Variants in INTS1 observed in about 807,000 individuals in gnomAD.
INTS1 encodes the protein integrator complex subunit 1.
A neutral mutation model predicts 241.6 loss-of-function variants in INTS1; 137 were observed. The observed-to-expected ratio is 0.57, with a 90% CI of 0.49 to 0.65. The LOEUF is 0.65. Among genes scored for constraint, INTS1 ranks in the 30% least tolerant of loss-of-function variants. The probability of loss-of-function intolerance (pLI) is 0.00; values close to 1 mark genes in which losing one functional copy is unlikely to be tolerated. For missense variants in INTS1, 3,073 were observed against 3,032.2 expected, an observed-to-expected ratio of 1.01 and a Z score of -0.32; for synonymous variants, 1,692 against 1,337.8, an observed-to-expected ratio of 1.26 and a Z score of -5.78.
intron 3 of INTS1, among the ~76,000 whole-genome samples, chr7:1,502,648 A>C (rs1173950289): frequency 6.6e-6 from 1 of 152,214 alleles, no homozygotes; most frequent in African/African-American, 2.4e-5. Context: ...CAACAGACAC[A>C]TGAGACAAAC....
intron 13 of INTS1, 79 bp downstream of exon 13, chr7:1,495,354 G>T: frequency 6.6e-7 from 1 of 1,516,900 alleles, no homozygotes; most frequent in Non-Finnish European, 8.9e-7. Context: ...TGGGGTTTGG[G>T]GCAGGGGTTG....
At position 1,476,402 on chromosome 7, in the gene INTS1, CAGGCTG is replaced by C. The variant is rs1375753255; in HGVS notation, c.5199_5204del (p.Ile1733_Leu1735delinsMet). The C allele has an allele frequency of 6.3e-7, 1 of 1,576,482 alleles. No individual in the cohort carries two copies. Among genetic ancestry groups the C allele is most frequent in the African/African-American group, 1.3e-5 (1 of 74,200 alleles). Reference sequence around the variant, plus strand: ...CCGCCTCGGCCAGGATCAGCTCCACCAGGCTGATGAGCTCCGGGCCCTGGACCCGCA... The same window carrying C: ...CCGCCTCGGCCAGGATCAGCTCCACCATGAGCTCCGGGCCCTGGACCCGCA... On this transcript the variant is annotated inframe_deletion, in exon 38 of 48. Coordinates refer to ENST00000404767, the MANE Select transcript of INTS1 (RefSeq NM_001080453.3).
At position 1,484,072 on chromosome 7, in the gene INTS1, C is replaced by T. The variant is rs759582486; in HGVS notation, c.3360G>A (p.Leu1120=). Residue 1120 remains leucine (L), a synonymous_variant, in exon 25 of 48, where the codon CTG becomes CTA. Transcript: ENST00000404767. ...SAASDAVLSA[L]LSIFSRYVRR... ...TCACGTAGCGTGAGAAGATGGACAA[C>T]AGAGCGCTCAGCACGGCGTCCGACG... 4.3e-6 allele frequency: 7 copies of T among 1,612,470 alleles called. No individual in the cohort carries two copies. Among genetic ancestry groups the T allele is most frequent in the African/African-American group, 1.3e-5 (1 of 74,930 alleles).
Position 1,503,043 on chromosome 7 carries a change from C to T in INTS1, c.207G>A (p.Ser69=), listed in dbSNP as rs375081056. 8.7e-6 allele frequency: 14 copies of T among 1,613,470 alleles called. No individual in the cohort carries two copies. Among genetic ancestry groups the T allele is most frequent in the Middle Eastern group, 1.6e-4 (1 of 6,084 alleles). The change falls in exon 3 of 48, where the codon TCG becomes TCA. Residue 69 remains serine (S), a synonymous_variant. Coordinates refer to ENST00000404767, the MANE Select transcript of INTS1 (RefSeq NM_001080453.3). ...GGCGTTTGGTGAGACCGGTGAGGGC[C>T]GAGGCACTGGACAACGCGGCCGCCG... ...RDAAAALSSA[S]ALTGLTKRPK...
chr7:1,486,042 C>CGGA (rs1782249243), intron 22 of INTS1, among the ~76,000 whole-genome samples: 1 of 151,188 alleles, frequency 6.6e-6, no homozygotes, highest in Non-Finnish European at 1.5e-5. Flanking sequence ...CTCAAGTGAT[C>CGGA]CTCCTGCCTC....
chr7:1,487,333 A>C lies in INTS1; in HGVS notation c.2633T>G (p.Ile878Ser). 1 of 1,601,482 alleles carries C rather than the reference A, an allele frequency of 6.2e-7. No homozygotes were observed. Among genetic ancestry groups the C allele is most frequent in the Non-Finnish European group, 8.5e-7 (1 of 1,174,466 alleles). The change falls in exon 20 of 48, where the codon ATC becomes AGC. Residue 878 changes from isoleucine (I) to serine (S), a missense_variant. Transcript: ENST00000404767. ...CTCGGCACTCACCTGCCGCTGGATG[A>C]TGTGGAGGAGAAAGTCAGGGTTTCG... ...RSRNPDFLLH[I>S]IQRQASSQSM... is the part of the protein sequence containing the mutation.
intron 8 of INTS1, 32 bp downstream of exon 8, chr7:1,498,943 G>GCCCCCCCCC: frequency 9.3e-7 from 1 of 1,070,746 alleles, no homozygotes; most frequent in East Asian, 3.6e-5. Context: ...CCCACCCCCT[G>GCCCCCCCCC]CCCCGCCCAC....
At chr7:1,490,880 G>C (rs1297368039) in intron 16 of INTS1, among the ~76,000 whole-genome samples, 1 of 152,232 alleles carries the variant, frequency 6.6e-6, no homozygotes, top group Non-Finnish European at 1.5e-5. Context: ...GGACAGAATG[G>C]AGCTGAGTCG....
At chr7:1,478,056 C>G in intron 33 of INTS1, 120 bp from the exon 34 acceptor site, 1 of 859,900 alleles carries the variant, frequency 1.2e-6, no homozygotes, top group South Asian at 1.6e-5. Flanking sequence ...AGAGCAGAGT[C>G]CAGCCGGAGC....
rs1167099481 is a variant in INTS1 at position 1,499,377 on chromosome 7, G to A, written c.845-17C>T. 6.4e-7 allele frequency: 1 copy of A among 1,566,782 alleles called. No individual in the cohort carries two copies. Among genetic ancestry groups the A allele is most frequent in the African/African-American group, 1.4e-5 (1 of 73,980 alleles). ...GGCTGCTCCCTGCAAACCAAGGAGA[G>A]GGCTCCATGCAGCGCCTCCCACCCG... On this transcript the variant is annotated splice_polypyrimidine_tract_variant and intron_variant, in intron 6 of 47. Coordinates refer to ENST00000404767, the MANE Select transcript of INTS1 (RefSeq NM_001080453.3).
chr7:1,480,434 T>G lies in INTS1; in HGVS notation c.3957A>C (p.Thr1319=). Reference sequence around the variant, plus strand: ...GGCTGCTCTTTGGTTTGGGTGCCTCTGTGCTGTCTGCAGAGACAGGAGAAC... The same window carrying G: ...GGCTGCTCTTTGGTTTGGGTGCCTCGGTGCTGTCTGCAGAGACAGGAGAAC... The part of the protein sequence containing the change: ...TASLPPRRDS[T]EAPKPKSSPE... Residue 1319 remains threonine, a synonymous_variant, in exon 30 of 48, where the codon ACA becomes ACC. Transcript: ENST00000404767. The G allele has an allele frequency of 6.2e-7, 1 of 1,613,042 alleles. No individual in the cohort carries two copies. Among genetic ancestry groups the G allele is most frequent in the Admixed American group, 1.7e-5 (1 of 59,878 alleles).
In INTS1 at chr7:1,486,609, C is replaced by G; in HGVS notation, c.2976+16G>C. 6.2e-7 allele frequency: 1 copy of G among 1,608,260 alleles called. No homozygotes were observed. Among genetic ancestry groups the G allele is most frequent in the Non-Finnish European group, 8.5e-7 (1 of 1,177,882 alleles). The stretch of plus-strand genomic sequence containing the variant: ...ACATGAAGAGCGTGCGCAGAAAGAC[C>G]CGCCCACCACCTCACCTTCATGGCC... On this transcript the variant is annotated intron_variant, in intron 22 of 47. Transcript: ENST00000404767.
chr7:1,499,709 G>A lies in INTS1; in HGVS notation c.685-77C>T, dbSNP rs1783061601. The A allele has an allele frequency of 2.7e-6, 4 of 1,507,812 alleles. No individual in the cohort carries two copies. In the African/African-American group the frequency reaches 5.6e-5, roughly 21 times the overall value. The allele number at this position is 1,507,812 out of a possible 1,614,324, so 93.4% of individuals were successfully genotyped here. On this transcript the variant is annotated intron_variant, in intron 5 of 47. Coordinates refer to ENST00000404767, the MANE Select transcript of INTS1 (RefSeq NM_001080453.3). The stretch of plus-strand genomic sequence containing the variant: ...TTGGGGAACACCCGCCTGCTGCCCG[G>A]GGACTGGGTGCCCAGGCGGCCCTCT...
rs1261878510 is a variant in INTS1, at chr7:1,471,041, A to G, written c.6348-86T>C. On this transcript the variant is annotated intron_variant, in intron 46 of 47. Coordinates refer to ENST00000404767, the MANE Select transcript of INTS1 (RefSeq NM_001080453.3). The stretch of plus-strand genomic sequence containing the variant: ...CGACAGGGCGAGCTGAGCCGCCTGG[A>G]AGCCTGGTCTGGCCACCAGGCGGGT... 3 of 1,510,256 alleles carry G rather than the reference A, an allele frequency of 2.0e-6. No individual in the cohort carries two copies. The East Asian group carries it at 7.4e-5, about 37-fold the overall frequency. 93.6% of individuals were successfully genotyped at this position (1,510,256 alleles called of 1,614,324 possible).
intron 9 of INTS1, 41 bp from the exon 10 acceptor site, chr7:1,498,594 T>C (rs200142451): frequency 1.9e-6 from 3 of 1,599,850 alleles, no homozygotes; most frequent in South Asian, 2.2e-5. Context: ...CCGCTACGCC[T>C]GTGCCCCCAC....
Position 1,486,967 on chromosome 7 carries a change from C to G in INTS1, c.2781G>C (p.Glu927Asp), listed in dbSNP as rs746558159. 9 of 1,608,092 alleles carry G rather than the reference C, an allele frequency of 5.6e-6. No individual in the cohort carries two copies. Among genetic ancestry groups the G allele is most frequent in the South Asian group, 2.2e-5 (2 of 90,850 alleles). The change falls in exon 21 of 48, where the codon GAG (glutamate) becomes GAC (aspartate). Residue 927 changes from glutamate (E) to aspartate (D), a missense_variant. Glu to Asp is a conservative substitution (Grantham distance 45). Coordinates refer to ENST00000404767, the MANE Select transcript of INTS1 (RefSeq NM_001080453.3). ...DAVDDAASGE[E>D]DDEGESKEQK... ...GCTCCTTGCTCTCGCCCTCGTCGTC[C>G]TCCTCCCCGGAAGCAGCATCGTCCA...
chr7:1,470,777 G>A lies in INTS1; in HGVS notation c.6457+69C>T, dbSNP rs142451049. The A allele has an allele frequency of 1.1e-5, 16 of 1,473,222 alleles. No individual in the cohort carries two copies. In the East Asian group the frequency reaches 3.7e-4, roughly 34 times the overall value. 91.3% of individuals were successfully genotyped at this position (1,473,222 alleles called of 1,614,324 possible). ...CAGACCTCGGGACTCCCAAGAGCCA[G>A]CCCTCGGGGGACGCACCTCCGGCCT... On this transcript the variant is annotated intron_variant, in intron 47 of 47. Coordinates refer to ENST00000404767, the MANE Select transcript of INTS1 (RefSeq NM_001080453.3).
In INTS1 at chr7:1,499,551, C is replaced by T; in HGVS notation, c.766G>A (p.Ala256Thr). 6.2e-7 allele frequency: 1 copy of T among 1,613,452 alleles called. No individual in the cohort carries two copies. The highest frequency in any genetic ancestry group is 1.1e-5 in the South Asian group (1 of 91,060). ...CKTFVDNIQT[A>T]FNTRMPPRSV... ...CTGGGGGGCATTCTGGTGTTGAAGG[C>T]CGTCTGGATGTTGTCCACAAACGTC... is the stretch of plus-strand genomic sequence containing the variant. The change falls in exon 6 of 48, where the codon GCC (alanine) becomes ACC (threonine). Residue 256 changes from alanine (A) to threonine (T), a missense_variant. Physicochemically the swap from Ala to Thr is moderately conservative, Grantham distance 58. Transcript: ENST00000404767.
Position 1,470,717 on chromosome 7 carries a change from C to T in INTS1, c.6458-25G>A, listed in dbSNP as rs547654138. The stretch of plus-strand genomic sequence containing the variant: ...TCTGTGGGGGAAACGGGGCCCTGCA[C>T]GTCACGCTGGCCACAACATCCTGGC... On this transcript the variant is annotated intron_variant, in intron 47 of 47. Transcript: ENST00000404767. The T allele has an allele frequency of 1.9e-5, 28 of 1,506,964 alleles. No individual in the cohort carries two copies. In the Admixed American group the frequency reaches 3.8e-4, roughly 21 times the overall value. 93.3% of individuals were successfully genotyped at this position (1,506,964 alleles called of 1,614,324 possible). A position where few individuals can be genotyped will look rare whatever the true frequency, so the allele number is the denominator to read the frequency against.
Sources: allele counts gnomAD v4.1 joint callset (sites outside exome capture counted in the v4.1 genomes callset), GRCh38; gene constraint gnomAD v4.1.1; transcripts MANE v1.5; gene names NCBI Gene and HGNC (gene_info 2026-07-23, HGNC 2026-07-21).